MSX2: variants seen among roughly 807,000 people sequenced by gnomAD.
MSX2 encodes homeobox protein MSX-2.
MSX2 carries 10 observed loss-of-function variants against 18.4 expected under a neutral mutation model. The ratio of observed to expected loss-of-function variants is 0.54; its 90% CI spans 0.34 to 0.92. MSX2 has a LOEUF of 0.92. Ranked by LOEUF, MSX2 falls within the 40% of genes least tolerant of loss-of-function variation. The pLI, the probability that MSX2 is intolerant of heterozygous loss-of-function variation, is 0.02. For synonymous variants in MSX2, 170 were observed against 165.6 expected (o/e 1.03, Z -0.20); for missense variants, 339 against 364.0 (o/e 0.93, Z 0.56).
rs1430014784 is a variant in MSX2 at position 174,729,146 on chromosome 5, C to CT, written c.380-12dup. ...CTTTCTTTTGCTAATCCGCTCCTCT[C>CT]TCTGTTCTCTAGGACATATGAGCCC... is the stretch of plus-strand genomic sequence containing the variant. On this transcript the variant is annotated splice_polypyrimidine_tract_variant and intron_variant, in intron 1 of 1. Coordinates refer to ENST00000239243, the MANE Select transcript of MSX2 (RefSeq NM_002449.5). 6.2e-7 allele frequency: 1 copy of CT among 1,613,130 alleles called. No individual in the cohort carries two copies. The highest frequency in any genetic ancestry group is 1.3e-5 in the African/African-American group (1 of 74,866).
rs1291103609 is a variant in MSX2 at position 174,728,993 on chromosome 5, GTGTATA to G, written c.380-160_380-155del. 1.4e-4 allele frequency among the ~76,000 whole-genome samples: 15 copies of G among 108,524 alleles called. No individual in the cohort carries two copies. The South Asian group carries it at 3.2e-3, about 23-fold the overall frequency. 71.2% of individuals were successfully genotyped at this position (108,524 alleles called of 152,430 possible). A position where few individuals can be genotyped will look rare whatever the true frequency, so the allele number is the denominator to read the frequency against. ...TGTGTGTGTGTGTGTGTGTGTGTGTGTGTATATGTATGTATATATAGATTTTTTTAA... is the reference window on the plus strand; with the variant it reads ...TGTGTGTGTGTGTGTGTGTGTGTGTGTGTATGTATATATAGATTTTTTTAA... On this transcript the variant is annotated intron_variant, in intron 1 of 1. Transcript: ENST00000239243.
In MSX2 at chr5:174,729,797, C is replaced by T; in HGVS notation, c.*214C>T. On this transcript the variant is annotated 3_prime_UTR_variant, in exon 2 of 2. Transcript: ENST00000239243. ...TTTTCTTGGTGTAATCTTCCAGATG[C>T]CCCCTTTTCCTTTCACAAAGATTGG... 1 of 464,062 alleles carries T rather than the reference C, an allele frequency of 2.2e-6. No individual in the cohort carries two copies. Among genetic ancestry groups the T allele is most frequent in the Non-Finnish European group, 3.8e-6 (1 of 261,004 alleles). 28.7% of individuals were successfully genotyped at this position (464,062 alleles called of 1,614,324 possible). A position where few individuals can be genotyped will look rare whatever the true frequency, so the allele number is the denominator to read the frequency against.
Position 174,724,776 on chromosome 5 carries a change from C to T in MSX2, c.117C>T (p.Arg39=), listed in dbSNP as rs376630472. 255 of 1,557,378 alleles carry T rather than the reference C, an allele frequency of 1.6e-4. 1 individual carries two copies. The African/African-American group carries it at 3.2e-3, about 19-fold the overall frequency. Residue 39 remains arginine (R), a synonymous_variant, in exon 1 of 2, where the codon CGC becomes CGT. Transcript: ENST00000239243. ...CCGAGGGGGCCGCGGAGGAGCGCCG[C>T]GTCAAGGTCTCCAGCCTGCCCTTCA... ...GGAEGAAEER[R]VKVSSLPFSV... is the part of the protein sequence containing the mutation.
Position 174,730,592 on chromosome 5 carries a change from T to TA in MSX2, c.*1009_*1010insA, listed in dbSNP as rs1760909127. 6.7e-6 allele frequency: 1 copy of TA among 150,234 alleles called. No homozygotes were observed. The highest frequency in any genetic ancestry group is 2.0e-4 in the East Asian group (1 of 5,086). 9.3% of individuals were successfully genotyped at this position (150,234 alleles called of 1,614,324 possible). ...GTAGATCCAGAAAGAAAAAAAAATA[T>TA]GCTTTCTCTGTGTGTGTACCTGTTG... is the stretch of plus-strand genomic sequence containing the variant. On this transcript the variant is annotated 3_prime_UTR_variant, in exon 2 of 2. Transcript: ENST00000239243.
In MSX2 at chr5:174,730,304, G is replaced by C. The variant is rs1408050601; in HGVS notation, c.*721G>C. ...GTAAGACCAATACCTGGGATGAGAA[G>C]AATCCTGAGACTGCCTGGAGGTGAG... On this transcript the variant is annotated 3_prime_UTR_variant, in exon 2 of 2. Transcript: ENST00000239243. 1 of 151,534 alleles carries C rather than the reference G, an allele frequency of 6.6e-6. No individual in the cohort carries two copies. The highest frequency in any genetic ancestry group is 1.5e-5 in the Non-Finnish European group (1 of 67,954). The allele number at this position is 151,534 out of a possible 1,614,324, so 9.4% of individuals were successfully genotyped here.
At position 174,725,032 on chromosome 5, in the gene MSX2, C is replaced by T. The variant is rs372131169; in HGVS notation, c.373C>T (p.Pro125Ser). 6.2e-7 allele frequency: 1 copy of T among 1,610,482 alleles called. No homozygotes were observed. Among genetic ancestry groups the T allele is most frequent in the Non-Finnish European group, 8.5e-7 (1 of 1,179,416 alleles). ...WMQEPGRYSPPPRHMSPTTCT... is the reference protein window; with the variant it reads ...WMQEPGRYSPSPRHMSPTTCT... Reference sequence around the variant, plus strand: ...GCAGGAACCCGGCCGATATTCGCCGCCGCCAAGTGAGTGCGCGCCGGGGCA... The same window carrying T: ...GCAGGAACCCGGCCGATATTCGCCGTCGCCAAGTGAGTGCGCGCCGGGGCA... Residue 125 changes from proline (P) to serine (S), a missense_variant, in exon 1 of 2, where the codon CCG (proline) becomes TCG (serine). Around this residue, in one of 2 missense-constraint regions of MSX2, gnomAD observed 211 missense variants for 185.4 expected, o/e 1.14. Transcript: ENST00000239243.
At position 174,724,735 on chromosome 5, in the gene MSX2, C is replaced by T. The variant is rs1189500195; in HGVS notation, c.76C>T (p.Pro26Ser). 4 of 1,586,310 alleles carry T rather than the reference C, an allele frequency of 2.5e-6. No homozygotes were observed. The East Asian group carries it at 6.9e-5, about 27-fold the overall frequency. The stretch of plus-strand genomic sequence containing the variant: ...CCCAGCAGTGGTGGCCGGACCAGGC[C>T]CGGGGCCTGGGGGCGCCGAGGGGGC... ...EGPAVVAGPGPGPGGAEGAAE... is the reference protein window; with the variant it reads ...EGPAVVAGPGSGPGGAEGAAE... Residue 26 changes from proline to serine, a missense_variant, in exon 1 of 2, where the codon CCG becomes TCG. By Grantham distance (74) the Pro-to-Ser change is moderately conservative. This residue lies in a region of MSX2 where 211 missense variants were observed against 185.4 expected (regional missense o/e 1.14). Transcript: ENST00000239243.
chr5:174,727,167 G>T (rs1008491739), intron 1 of MSX2, among the ~76,000 whole-genome samples: 1 of 152,176 alleles, frequency 6.6e-6, no homozygotes, highest in Admixed American at 6.5e-5. Context: ...AATGCCAGGC[G>T]ACGGAGCCTG....
At chr5:174,725,742 C>T (rs539675447) in intron 1 of MSX2, among the ~76,000 whole-genome samples, 1 of 152,160 alleles carries the variant, frequency 6.6e-6, no homozygotes, top group African/African-American at 2.4e-5. Flanking sequence ...ACGGGCTCTT[C>T]TTGGCTCACA....
chr5:174,728,060 A>G (rs1165753860), intron 1 of MSX2, among the ~76,000 whole-genome samples: 1 of 152,190 alleles, frequency 6.6e-6, no homozygotes, highest in Non-Finnish European at 1.5e-5. Flanking sequence ...AAGTTAGTTG[A>G]TGCTATGGAA....
chr5:174,726,986 A>C (rs1017374451), intron 1 of MSX2, among the ~76,000 whole-genome samples: 4 of 152,164 alleles, frequency 2.6e-5, no homozygotes, highest in African/African-American at 9.7e-5. Context: ...CCATGAAAAG[A>C]ACCAGAAATT....
Position 174,724,929 on chromosome 5 carries a change from C to A in MSX2, c.270C>A (p.His90Gln). The A allele has an allele frequency of 6.3e-7, 1 of 1,582,416 alleles. No homozygotes were observed. Among genetic ancestry groups the A allele is most frequent in the Non-Finnish European group, 8.6e-7 (1 of 1,166,706 alleles). Residue 90 changes from histidine (H) to glutamine (Q), a missense_variant, in exon 1 of 2, where the codon CAC becomes CAA. By Grantham distance (24) the His-to-Gln change is conservative (BLOSUM62 0). Around this residue, in one of 2 missense-constraint regions of MSX2, gnomAD observed 211 missense variants for 185.4 expected, o/e 1.14. Transcript: ENST00000239243. ...LLSGHGAREA[H>Q]SPGPLVKPFE... ...CGGGGCACGGCGCTCGGGAAGCGCA[C>A]AGCCCCGGGCCGCTGGTGAAGCCCT... is the stretch of plus-strand genomic sequence containing the variant.
rs1280488119 is a variant in MSX2 at position 174,729,379 on chromosome 5, G to T, written c.600G>T (p.Leu200=). The part of the protein sequence containing the change: ...FQNRRAKAKR[L]QEAELEKLKM... ...ACCGAAGGGCCAAGGCGAAAAGACT[G>T]CAGGAGGCAGAACTGGAAAAGCTGA... Residue 200 remains leucine (L), a synonymous_variant, in exon 2 of 2, where the codon CTG becomes CTT. Coordinates refer to ENST00000239243, the MANE Select transcript of MSX2 (RefSeq NM_002449.5). 6.2e-7 allele frequency: 1 copy of T among 1,614,194 alleles called. No individual in the cohort carries two copies. Among genetic ancestry groups the T allele is most frequent in the Non-Finnish European group, 8.5e-7 (1 of 1,180,048 alleles).
intron 1 of MSX2, among the ~76,000 whole-genome samples, chr5:174,725,489 C>G (rs1314108104): frequency 4.6e-5 from 7 of 152,202 alleles, no homozygotes; most frequent in Non-Finnish European, 8.8e-5. Context: ...AAACTCAACC[C>G]TGAGAGTTGT....
chr5:174,730,492 G>T lies in MSX2; in HGVS notation c.*909G>T, dbSNP rs1432574018. On this transcript the variant is annotated 3_prime_UTR_variant, in exon 2 of 2. Coordinates refer to ENST00000239243, the MANE Select transcript of MSX2 (RefSeq NM_002449.5). ...AGATTGCAAAGGTGATTTGGGTGGG[G>T]GTTTAGTAATTTTCTGCTTAAAAAA... 2.6e-5 allele frequency: 4 copies of T among 152,294 alleles called. No homozygotes were observed. Among genetic ancestry groups the T allele is most frequent in the Admixed American group, 2.6e-4 (4 of 15,230 alleles). The allele number at this position is 152,294 out of a possible 1,614,324, so 9.4% of individuals were successfully genotyped here.
rs1371126812 is a variant in MSX2 at position 174,729,948 on chromosome 5, A to G, written c.*365A>G. On this transcript the variant is annotated 3_prime_UTR_variant, in exon 2 of 2. Transcript: ENST00000239243. ...ATATACATATGTGCTTTTTTTCTAT[A>G]TCTCACCTTCCCAAAAGACACTGTG... 1 of 152,190 alleles carries G rather than the reference A, an allele frequency of 6.6e-6. No individual in the cohort carries two copies. Among genetic ancestry groups the G allele is most frequent in the Non-Finnish European group, 1.5e-5 (1 of 68,164 alleles). The allele number at this position is 152,190 out of a possible 1,614,324, so 9.4% of individuals were successfully genotyped here. A position where few individuals can be genotyped will look rare whatever the true frequency, so the allele number is the denominator to read the frequency against.
chr5:174,725,078 G>A lies in MSX2; in HGVS notation c.379+40G>A, dbSNP rs756965580. The A allele has an allele frequency of 1.1e-5, 18 of 1,604,300 alleles. 1 individual carries two copies. Among genetic ancestry groups the A allele is most frequent in the South Asian group, 2.2e-5 (2 of 88,970 alleles). On this transcript the variant is annotated intron_variant, in intron 1 of 1. Transcript: ENST00000239243. ...GGGCAGGAGTAGGAGGTAGCGCGGG[G>A]TACTGGAGGGAGCGGGGGGCGGGTG...
Position 174,724,709 on chromosome 5 carries a change from G to T in MSX2, c.50G>T (p.Gly17Val). The T allele has an allele frequency of 1.4e-6, 2 of 1,425,432 alleles. No homozygotes were observed. Among genetic ancestry groups the T allele is most frequent in the Non-Finnish European group, 2.0e-6 (2 of 1,023,004 alleles). 88.3% of individuals were successfully genotyped at this position (1,425,432 alleles called of 1,614,324 possible). A position where few individuals can be genotyped will look rare whatever the true frequency, so the allele number is the denominator to read the frequency against. The change falls in exon 1 of 2, where the codon GGC becomes GTC. Residue 17 changes from glycine (G) to valine (V), a missense_variant. Around this residue, in one of 2 missense-constraint regions of MSX2, gnomAD observed 211 missense variants for 185.4 expected, o/e 1.14. Coordinates refer to ENST00000239243, the MANE Select transcript of MSX2 (RefSeq NM_002449.5). ...GNDLFSPDEE[G>V]PAVVAGPGPG... ...GACTTGTTTTCGCCCGACGAGGAGG[G>T]CCCAGCAGTGGTGGCCGGACCAGGC...
At chr5:174,727,620 C>G (rs551617332) in intron 1 of MSX2, among the ~76,000 whole-genome samples, 1 of 152,130 alleles carries the variant, frequency 6.6e-6, no homozygotes, top group East Asian at 1.9e-4. Context: ...GCTGGCTCCC[C>G]GGCTGTCTAG....
Sources: gnomAD v4.1 joint callset for allele counts (sites outside exome capture counted in the v4.1 genomes callset) on GRCh38, gnomAD v4.1.1 for gene constraint, gnomAD v4.1.1 regional missense constraint, MANE v1.5 for transcripts, NCBI Gene and HGNC (gene_info 2026-07-23, HGNC 2026-07-21) for gene names.